The following ZSCAN18 variants were observed in gnomAD, a reference collection of about 807,000 sequenced individuals.
ZSCAN18 encodes zinc finger and SCAN domain containing 18, also known as zinc finger and SCAN domain-containing protein 18.
ZSCAN18 carries 16 observed loss-of-function variants against 31.1 expected under a neutral mutation model. The observed-to-expected ratio is 0.51, with a 90% confidence interval of 0.35 to 0.78. ZSCAN18 has a LOEUF of 0.78. ZSCAN18 is among the 30% of genes least tolerant of loss of function. The probability of loss-of-function intolerance (pLI) is 0.01; values close to 1 mark genes in which losing one functional copy is unlikely to be tolerated. For synonymous variants in ZSCAN18, 375 were observed against 320.7 expected (o/e 1.17, Z -1.81); for missense variants, 731 against 697.4 (o/e 1.05, Z -0.54).
rs2074248763 is a variant in ZSCAN18, at chr19:58,085,243, C to T, written c.975G>A (p.Glu325=). 6.2e-7 allele frequency: 1 copy of T among 1,606,904 alleles called. No homozygotes were observed. The change falls in exon 7 of 7, where the codon GAG becomes GAA. Residue 325 remains glutamate (E), a synonymous_variant. Coordinates refer to ENST00000601144, the MANE Select transcript of ZSCAN18 (RefSeq NM_001145543.2). ...CCGGGGCCTTCCCAGGCTGCTCTTCCTCCTCCTCAGTGGTGCCCGACGGGG... is the reference window on the plus strand; with the variant it reads ...CCGGGGCCTTCCCAGGCTGCTCTTCTTCCTCCTCAGTGGTGCCCGACGGGG... ...ADPPSGTTEE[E]EEQPGKAPDP... is the part of the protein sequence containing the mutation.
chr19:58,085,503 A>T (rs982174751), intron 6 of ZSCAN18, 124 bp from the exon 7 acceptor site: 1 of 865,344 alleles, frequency 1.2e-6, no homozygotes, highest in Non-Finnish European at 1.7e-6. Context: ...CGCGGGGCTC[A>T]CGGCTGTTTG....
At chr19:58,111,852 A>G (rs1250674907) in intron 1 of ZSCAN18, among the ~76,000 whole-genome samples, 1 of 152,244 alleles carries the variant, frequency 6.6e-6, no homozygotes, top group Non-Finnish European at 1.5e-5. Context: ...TACAAGGATT[A>G]CACACCACGA....
chr19:58,102,524 CCCA>C (rs1396951872), upstream of ZSCAN18, among the ~76,000 whole-genome samples: 1 of 152,244 alleles, frequency 6.6e-6, no homozygotes, highest in South Asian at 2.1e-4. Context: ...TTGGCTTCCC[CCCA>C]CATTATGAAC....
At chr19:58,086,701 G>C in intron 5 of ZSCAN18, 2 of 559,448 alleles carry the variant, frequency 3.6e-6, no homozygotes, top group Non-Finnish European at 6.3e-6. Context: ...CAGTCCTACA[G>C]GCAGGGCCTG....
chr19:58,085,102 CG>C lies in ZSCAN18; in HGVS notation c.1115del (p.Pro372ArgfsTer57). The C allele has an allele frequency of 6.2e-7, 1 of 1,606,222 alleles. No individual in the cohort carries two copies. ...TCTGCCCGTCCCCATCCTCGGGGTG[CG>C]GCCTCTTGGTTCCCAGTTTCGCCGT... ...RGTAKLGTKR[P>X]HPEDGDGQSL... On this transcript the variant is annotated frameshift_variant, in exon 7 of 7. Coordinates refer to ENST00000601144, the MANE Select transcript of ZSCAN18 (RefSeq NM_001145543.2). LOFTEE classifies it low-confidence loss of function (END_TRUNC).
rs907868969 is a variant in ZSCAN18, at chr19:58,090,650, C to T, written c.-119-264G>A. On this transcript the variant is annotated intron_variant, in intron 1 of 6. Transcript: ENST00000601144. This position sits in a 1 kb window ranked among gnomAD's most constrained non-coding sequence, Gnocchi z 4.7. Reference sequence around the variant, plus strand: ...TGTCACCCAAGCTGGAGTGCAGTGGCGCAATCTCGGCTCAATGCAACCTCT... The same window carrying T: ...TGTCACCCAAGCTGGAGTGCAGTGGTGCAATCTCGGCTCAATGCAACCTCT... The T allele has an allele frequency of 1.8e-5, 6 of 333,658 alleles. No individual in the cohort carries two copies. The highest frequency in any genetic ancestry group is 1.3e-4 in the Admixed American group (3 of 22,498). 20.7% of individuals were successfully genotyped at this position (333,658 alleles called of 1,614,324 possible). A position where few individuals can be genotyped will look rare whatever the true frequency, so the allele number is the denominator to read the frequency against.
intron 1 of ZSCAN18, among the ~76,000 whole-genome samples, chr19:58,111,046 T>C (rs1193713589): frequency 6.6e-6 from 1 of 151,978 alleles, no homozygotes; most frequent in Non-Finnish European, 1.5e-5. Context: ...CGGGCGCCTG[T>C]AGTCCCAGCT....
At chr19:58,108,059 C>T in intron 1 of ZSCAN18, 1 of 1,001,428 alleles carries the variant, frequency 1.0e-6, no homozygotes, top group Non-Finnish European at 1.2e-6. Context: ...TACATAATCT[C>T]AGTGAAAGAT....
intron 1 of ZSCAN18, among the ~76,000 whole-genome samples, chr19:58,116,496 C>G (rs568155291): frequency 2.0e-5 from 3 of 152,212 alleles, no homozygotes; most frequent in African/African-American, 7.2e-5. Context: ...ATCAAACGCT[C>G]TGCAAACTGA....
At chr19:58,098,262 T>A (rs1351785750), upstream of ZSCAN18, 3 of 985,494 alleles carry the variant, frequency 3.0e-6, no homozygotes, top group East Asian at 3.4e-4. Flanking sequence ...GCACTGGGCC[T>A]CACCGCGGAC....
rs949171476 is a variant in ZSCAN18, at chr19:58,090,476, G to A, written c.-119-90C>T. On this transcript the variant is annotated intron_variant, in intron 1 of 6. Transcript: ENST00000601144. The surrounding 1 kb of genome is among the most constrained non-coding windows in gnomAD (Gnocchi z 4.7). ...AGAGAACAAAGACACCACACCCAGAGTTCACACAGATTTCCAAGAAACCCG... is the reference window on the plus strand; with the variant it reads ...AGAGAACAAAGACACCACACCCAGAATTCACACAGATTTCCAAGAAACCCG... 5.6e-6 allele frequency: 7 copies of A among 1,242,596 alleles called. No individual in the cohort carries two copies. Among genetic ancestry groups the A allele is most frequent in the Middle Eastern group, 2.2e-4 (1 of 4,450 alleles). The allele number at this position is 1,242,596 out of a possible 1,614,324, so 77.0% of individuals were successfully genotyped here.
intron 1 of ZSCAN18, chr19:58,093,256 G>A (rs905649902): frequency 2.0e-5 from 3 of 152,336 alleles, no homozygotes; most frequent in Non-Finnish European, 4.4e-5. Flanking sequence ...TTCACAGGCA[G>A]GTCCCTTGGC....
Position 58,098,164 on chromosome 19 carries a change from A to T in ZSCAN18, c.-120+10T>A. 1 of 985,486 alleles carries T rather than the reference A, an allele frequency of 1.0e-6. No homozygotes were observed. Among genetic ancestry groups the T allele is most frequent in the Non-Finnish European group, 1.2e-6 (1 of 830,032 alleles). The allele number at this position is 985,486 out of a possible 1,614,324, so 61.0% of individuals were successfully genotyped here. A position where few individuals can be genotyped will look rare whatever the true frequency, so the allele number is the denominator to read the frequency against. ...CTGACCCCCGCGCTGCATCCCCGGG[A>T]CCGACCCACCTGCTGCGCAGCTACC... On this transcript the variant is annotated intron_variant, in intron 1 of 6. Transcript: ENST00000601144.
At chr19:58,113,996 G>A (rs558208956) in intron 1 of ZSCAN18, among the ~76,000 whole-genome samples, 4 of 151,552 alleles carry the variant, frequency 2.6e-5, no homozygotes, top group East Asian at 3.9e-4. Context: ...AAGGCTGGGC[G>A]TGGTGGCTCG....
Position 58,086,910 on chromosome 19 carries a change from C to T in ZSCAN18, c.741G>A (p.Leu247=), listed in dbSNP as rs763860310. 1.2e-6 allele frequency: 2 copies of T among 1,613,396 alleles called. No homozygotes were observed. Among genetic ancestry groups the T allele is most frequent in the Admixed American group, 3.3e-5 (2 of 59,992 alleles). Residue 247 remains leucine, a synonymous_variant, in exon 5 of 7, where the codon CTG becomes CTA. Transcript: ENST00000601144. ...ENLKSYRKLL[L]WGYQLSQPDA... ...CCCGAGGCAGGCGACTCTCACCCCA[C>T]AGGAGCAGCTTCCGGTAGCTCTTCA... is the stretch of plus-strand genomic sequence containing the variant.
At position 58,084,496 on chromosome 19, in the gene ZSCAN18, G is replaced by C; in HGVS notation, c.*189C>G. On this transcript the variant is annotated 3_prime_UTR_variant, in exon 7 of 7. Coordinates refer to ENST00000601144, the MANE Select transcript of ZSCAN18 (RefSeq NM_001145543.2). The surrounding 1 kb of genome is among the most constrained non-coding windows in gnomAD (Gnocchi z 4.5). The stretch of plus-strand genomic sequence containing the variant: ...AGCGCTGGCCCAGGGTGTGTTTACA[G>C]AGGTGAGGGCTTCCCGTGGACCCTT... 1.8e-6 allele frequency: 1 copy of C among 552,226 alleles called. No individual in the cohort carries two copies. The highest frequency in any genetic ancestry group is 3.0e-6 in the Non-Finnish European group (1 of 335,730). The allele number at this position is 552,226 out of a possible 1,614,324, so 34.2% of individuals were successfully genotyped here.
intron 1 of ZSCAN18, among the ~76,000 whole-genome samples, chr19:58,093,037 A>G (rs1599975656): frequency 6.6e-6 from 1 of 152,184 alleles, no homozygotes; most frequent in East Asian, 1.9e-4. Flanking sequence ...TGGGCCTCCC[A>G]AAGTGCTGGG....
chr19:58,085,072 G>A lies in ZSCAN18; in HGVS notation c.1146C>T (p.Leu382=), dbSNP rs757669858. Residue 382 remains leucine (L), a synonymous_variant, in exon 7 of 7, where the codon CTC becomes CTT. Transcript: ENST00000601144. ...TGTCGCCGGAGCTAGAGACGCCCTC[G>A]AGGCTCTGCCCGTCCCCATCCTCGG... The part of the protein sequence containing the change: ...PHPEDGDGQS[L]EGVSSSGDSA... 5.6e-6 allele frequency: 9 copies of A among 1,602,282 alleles called. No individual in the cohort carries two copies. The South Asian group carries it at 1.0e-4, about 18-fold the overall frequency.
chr19:58,108,307 C>T lies in ZSCAN18; in HGVS notation c.130+9960G>A. Reference sequence around the variant, plus strand: ...CTCAGATGGACAATAAGGTTGGAGACATCAGAAAAGGATTTTTCACATTCA... The same window carrying T: ...CTCAGATGGACAATAAGGTTGGAGATATCAGAAAAGGATTTTTCACATTCA... On this transcript the variant is annotated intron_variant, in intron 1 of 1. Coordinates refer to the ZSCAN18 transcript ENST00000595721. The T allele has an allele frequency of 3.0e-6, 3 of 985,438 alleles. No homozygotes were observed. In the South Asian group the frequency reaches 1.4e-4, roughly 46 times the overall value. The allele number at this position is 985,438 out of a possible 1,614,324, so 61.0% of individuals were successfully genotyped here.
Sources: gnomAD v4.1 joint callset for allele counts (sites outside exome capture counted in the v4.1 genomes callset) on GRCh38, gnomAD v4.1.1 for gene constraint, Gnocchi (gnomAD v3.1) non-coding constraint, MANE v1.5 for transcripts, NCBI Gene and HGNC (gene_info 2026-07-23, HGNC 2026-07-21) for gene names.